Variants in UTP14C observed in about 807,000 individuals in gnomAD.
UTP14C encodes U3 small nucleolar RNA-associated protein 14 homolog C.
In UTP14C, 10 loss-of-function variants were observed where a neutral mutation model predicts 14.6. The observed-to-expected ratio is 0.68, with a 90% confidence interval of 0.42 to 1.16. The LOEUF (loss-of-function observed/expected upper bound fraction) is 1.16. UTP14C is among the 50% of genes most tolerant of loss of function. UTP14C has a pLI of 0.00. For synonymous variants in UTP14C, 315 were observed against 331.6 expected, an observed-to-expected ratio of 0.95 and a Z score of 0.54; for missense variants, 818 against 890.8, an observed-to-expected ratio of 0.92 and a Z score of 1.04.
intron 1 of UTP14C, among the ~76,000 whole-genome samples, chr13:52,025,800 C>T (rs1954235097): frequency 6.6e-6 from 1 of 152,220 alleles, no homozygotes; most frequent in African/African-American, 2.4e-5. Flanking sequence ...ATGAGGATAA[C>T]ATAAAAGTGA....
At position 52,029,310 on chromosome 13, in the gene UTP14C, C is replaced by G. The variant is rs148529191; in HGVS notation, c.506C>G (p.Pro169Arg). The change falls in exon 2 of 2, where the codon CCC becomes CGC. Residue 169 changes from proline to arginine, a missense_variant. Transcript: ENST00000521776. ...GGGAAGGAGCAGCCAGCCATTGCTC[C>G]CATTGAACATGCGCTCAGTGGCTGG... ...PLGKEQPAIA[P>R]IEHALSGWKA... 7.6e-4 allele frequency: 1,229 copies of G among 1,614,110 alleles called. 10 individuals are homozygous for G. The highest frequency in any genetic ancestry group is 4.7e-5 in the Non-Finnish European group (56 of 1,180,006).
rs766878374 is a variant in UTP14C at position 52,029,736 on chromosome 13, T to C, written c.932T>C (p.Met311Thr). ...SGKWAKSKAI[M>T]AKYDLEARQA... ...AAATGGGCCAAGTCAAAGGCAATTA[T>C]GGCCAAATATGACCTGGAGGCTCGC... Residue 311 changes from methionine to threonine, a missense_variant, in exon 2 of 2, where the codon ATG (methionine) becomes ACG (threonine). Transcript: ENST00000521776. The C allele has an allele frequency of 1.1e-5, 17 of 1,614,084 alleles. No homozygotes were observed. The highest frequency in any genetic ancestry group is 1.7e-5 in the Admixed American group (1 of 60,000).
chr13:52,028,843 C>T lies in UTP14C; in HGVS notation c.39C>T (p.Ser13=). The T allele has an allele frequency of 6.2e-7, 1 of 1,614,154 alleles. No individual in the cohort carries two copies. The highest frequency in any genetic ancestry group is 1.1e-5 in the South Asian group (1 of 91,084). ...VNQVAENLAL[S]HQEELVDLPK... ...AGGTTGCAGAGAATCTGGCTTTGAG[C>T]CACCAGGAAGAACTAGTGGATTTGC... Residue 13 remains serine (S), a synonymous_variant, in exon 2 of 2, where the codon AGC becomes AGT. Coordinates refer to ENST00000521776, the MANE Select transcript of UTP14C (RefSeq NM_021645.6).
At position 52,028,765 on chromosome 13, in the gene UTP14C, C is replaced by T. The variant is rs764203030; in HGVS notation, c.-40C>T. ...AAGAAAATGGATGACTAGCCTTCGGCTTCCATTCTTGGTATACATGAGAGA... is the reference window on the plus strand; with the variant it reads ...AAGAAAATGGATGACTAGCCTTCGGTTTCCATTCTTGGTATACATGAGAGA... On this transcript the variant is annotated 5_prime_UTR_variant, in exon 2 of 2. Coordinates refer to ENST00000521776, the MANE Select transcript of UTP14C (RefSeq NM_021645.6). 6.2e-7 allele frequency: 1 copy of T among 1,613,966 alleles called. No individual in the cohort carries two copies. Among genetic ancestry groups the T allele is most frequent in the South Asian group, 1.1e-5 (1 of 91,060 alleles).
chr13:52,026,456 G>T (rs115631472), intron 1 of UTP14C, among the ~76,000 whole-genome samples: 1,856 of 152,326 alleles, frequency 0.012, 39 homozygotes, highest in African/African-American at 0.043. Context: ...TCAGTGAAGA[G>T]CAGGGAGAGC....
Position 52,030,039 on chromosome 13 carries a change from T to C in UTP14C, c.1235T>C (p.Val412Ala). The C allele has an allele frequency of 2.5e-6, 4 of 1,614,158 alleles. No homozygotes were observed. Among genetic ancestry groups the C allele is most frequent in the Non-Finnish European group, 3.4e-6 (4 of 1,180,036 alleles). The change falls in exon 2 of 2, where the codon GTG becomes GCG. Residue 412 changes from valine to alanine, a missense_variant. Transcript: ENST00000521776. ...GCAAGTGAGGCAGAAGAAAGACCAG[T>C]GGCAGAGGAAGAAATTTTGTTGAGA... ...VSASEAEERP[V>A]AEEEILLREF... is the part of the protein sequence containing the mutation.
At chr13:52,028,284 T>G in intron 1 of UTP14C, 35 bp from the exon 2 acceptor site, 1 of 1,613,948 alleles carries the variant, frequency 6.2e-7, no homozygotes, top group Non-Finnish European at 8.5e-7. Flanking sequence ...ACTCAAAAAC[T>G]TAAAAGATTA....
In UTP14C at chr13:52,030,540, T is replaced by C. The variant is rs757265468; in HGVS notation, c.1736T>C (p.Ile579Thr). ...AGGTCTTTGGCAGTTCCCACAATAA[T>C]AGAGGAGCTGGAAGATGAAGAGGAG... ...SVRSLAVPTI[I>T]EELEDEEERD... The change falls in exon 2 of 2, where the codon ATA becomes ACA. Residue 579 changes from isoleucine to threonine, a missense_variant. Ile to Thr is a moderately conservative substitution (Grantham distance 89). Transcript: ENST00000521776. 4.3e-6 allele frequency: 7 copies of C among 1,613,812 alleles called. No homozygotes were observed. In the South Asian group the frequency reaches 6.6e-5, roughly 15 times the overall value.
At position 52,028,656 on chromosome 13, in the gene UTP14C, T is replaced by C. The variant is rs1042639607; in HGVS notation, c.-149T>C. 1 of 1,564,720 alleles carries C rather than the reference T, an allele frequency of 6.4e-7. No individual in the cohort carries two copies. Reference sequence around the variant, plus strand: ...TTAAACACCTTCATATGTAAATATTTTTCTAAATTCAATCTCATTTGTCAA... The same window carrying C: ...TTAAACACCTTCATATGTAAATATTCTTCTAAATTCAATCTCATTTGTCAA... On this transcript the variant is annotated 5_prime_UTR_variant, in exon 2 of 2. Coordinates refer to ENST00000521776, the MANE Select transcript of UTP14C (RefSeq NM_021645.6).
At chr13:52,025,075 C>G in intron 1 of UTP14C, 138 bp downstream of exon 1, 1 of 941,486 alleles carries the variant, frequency 1.1e-6, no homozygotes, top group Non-Finnish European at 1.7e-6. Flanking sequence ...GCTTTCCTCA[C>G]TTGAGACCTT....
intron 1 of UTP14C, among the ~76,000 whole-genome samples, chr13:52,026,251 G>A (rs1382171909): frequency 1.3e-5 from 2 of 152,214 alleles, no homozygotes; most frequent in Non-Finnish European, 2.9e-5. Flanking sequence ...AGGAGAGAGG[G>A]GAGAGTCTCC....
chr13:52,027,879 C>T (rs1280671919), intron 1 of UTP14C, among the ~76,000 whole-genome samples: 1 of 152,104 alleles, frequency 6.6e-6, no homozygotes, highest in Admixed American at 6.5e-5. Context: ...ATCTTGCTAA[C>T]ATTCTCTAGT....
In UTP14C at chr13:52,024,730, C is replaced by A. The variant is rs1051308050; in HGVS notation, c.-694C>A. On this transcript the variant is annotated 5_prime_UTR_variant, in exon 1 of 2. Coordinates refer to ENST00000521776, the MANE Select transcript of UTP14C (RefSeq NM_021645.6). ...GCTGAATAAGAAGATGGTTGAGTCA[C>A]CTCCTTCGCTTAAACTTGTCCTCAT... The A allele has an allele frequency of 1.2e-6, 2 of 1,614,202 alleles. No homozygotes were observed.
rs1954287856 is a variant in UTP14C, at chr13:52,030,279, C to T, written c.1475C>T (p.Pro492Leu). 2.5e-6 allele frequency: 4 copies of T among 1,614,188 alleles called. No homozygotes were observed. The highest frequency in any genetic ancestry group is 3.4e-6 in the Non-Finnish European group (4 of 1,180,034). Residue 492 changes from proline (P) to leucine (L), a missense_variant, in exon 2 of 2, where the codon CCA (proline) becomes CTA (leucine). Coordinates refer to ENST00000521776, the MANE Select transcript of UTP14C (RefSeq NM_021645.6). ...CAGGTCCAGAGAGAGGAACCTGCCC[C>T]AGAAGAAGCGGAACCCCTATTGCTA... The part of the protein sequence containing the change: ...VPQVQREEPA[P>L]EEAEPLLLQR...
At position 52,028,563 on chromosome 13, in the gene UTP14C, A is replaced by G. The variant is rs188332164; in HGVS notation, c.-242A>G. 1.8e-4 allele frequency: 295 copies of G among 1,614,186 alleles called. No homozygotes were observed. In the East Asian group the frequency reaches 2.6e-3, roughly 14 times the overall value. ...ATCAGGAATTTGAAGTGACATTCCT[A>G]TCATCTGTGGAAAAGTTATTTAAGT... is the stretch of plus-strand genomic sequence containing the variant. On this transcript the variant is annotated 5_prime_UTR_variant, in exon 2 of 2. Transcript: ENST00000521776.
rs776787572 is a variant in UTP14C, at chr13:52,029,245, C to T, written c.441C>T (p.Ile147=). The T allele has an allele frequency of 6.2e-7, 1 of 1,614,170 alleles. No individual in the cohort carries two copies. Residue 147 remains isoleucine, a synonymous_variant, in exon 2 of 2, where the codon ATC becomes ATT. Transcript: ENST00000521776. ...TCCTCTCCAAATGGGACCCTATCAT[C>T]CTGAAGAACCAGCAGGCAGAGCAGC... ...SQVLSKWDPI[I]LKNQQAEQLV...
rs148529191 is a variant in UTP14C at position 52,029,310 on chromosome 13, C to T, written c.506C>T (p.Pro169Leu). Residue 169 changes from proline to leucine, a missense_variant, in exon 2 of 2, where the codon CCC becomes CTC. Coordinates refer to ENST00000521776, the MANE Select transcript of UTP14C (RefSeq NM_021645.6). ...PLGKEQPAIA[P>L]IEHALSGWKA... ...GGGAAGGAGCAGCCAGCCATTGCTC[C>T]CATTGAACATGCGCTCAGTGGCTGG... 1.2e-6 allele frequency: 2 copies of T among 1,614,110 alleles called. No homozygotes were observed. Among genetic ancestry groups the T allele is most frequent in the African/African-American group, 2.7e-5 (2 of 75,030 alleles).
chr13:52,029,258 C>T lies in UTP14C; in HGVS notation c.454C>T (p.Gln152Ter). Residue 152 changes from glutamine to a stop codon, truncating the protein, a stop_gained, in exon 2 of 2, where the codon CAG (glutamine) becomes TAG (stop). Coordinates refer to ENST00000521776, the MANE Select transcript of UTP14C (RefSeq NM_021645.6). LOFTEE classifies it low-confidence loss of function (END_TRUNC). ...GGACCCTATCATCCTGAAGAACCAGCAGGCAGAGCAGCTGGTTTTTCCCCT... is the reference window on the plus strand; with the variant it reads ...GGACCCTATCATCCTGAAGAACCAGTAGGCAGAGCAGCTGGTTTTTCCCCT... ...KWDPIILKNQQAEQLVFPLGK... is the reference protein window; with the variant it reads ...KWDPIILKNQ 6.2e-7 allele frequency: 1 copy of T among 1,614,186 alleles called. No individual in the cohort carries two copies. Among genetic ancestry groups the T allele is most frequent in the Non-Finnish European group, 8.5e-7 (1 of 1,180,032 alleles).
At position 52,029,147 on chromosome 13, in the gene UTP14C, G is replaced by A. The variant is rs764154730; in HGVS notation, c.343G>A (p.Val115Met). The A allele has an allele frequency of 5.6e-6, 9 of 1,614,224 alleles. No homozygotes were observed. The highest frequency in any genetic ancestry group is 7.6e-6 in the Non-Finnish European group (9 of 1,180,048). ...GAATAGAGTCAAATCAAAGAAGGTGGTGGAGTTACCTCTTAACAAAGAAAA... is the reference window on the plus strand; with the variant it reads ...GAATAGAGTCAAATCAAAGAAGGTGATGGAGTTACCTCTTAACAAAGAAAA... Reference protein sequence around the residue: ...QLNRVKSKKVVELPLNKEKIE... With the variant: ...QLNRVKSKKVMELPLNKEKIE... Residue 115 changes from valine to methionine, a missense_variant, in exon 2 of 2, where the codon GTG (valine) becomes ATG (methionine). Transcript: ENST00000521776.
Sources: allele counts gnomAD v4.1 joint callset (sites outside exome capture counted in the v4.1 genomes callset), GRCh38; gene constraint gnomAD v4.1.1; transcripts MANE v1.5; gene names NCBI Gene and HGNC (gene_info 2026-07-23, HGNC 2026-07-21).